Variants in GPATCH1 observed in about 807,000 individuals in gnomAD.
The protein encoded by GPATCH1 is G patch domain-containing protein 1.
GPATCH1 carries 73 observed loss-of-function variants against 114.9 expected under a neutral mutation model. The ratio of observed to expected loss-of-function variants is 0.64; its 90% CI spans 0.53 to 0.77. The LOEUF (loss-of-function observed/expected upper bound fraction) is 0.77, where lower values mean the gene tolerates loss of function less well. Among genes scored for constraint, GPATCH1 ranks in the 30% least tolerant of loss-of-function variants. GPATCH1 has a pLI of 0.00. For missense variants in GPATCH1, 1,058 were observed against 1,144.3 expected, an observed-to-expected ratio of 0.92 and a Z score of 1.09; for synonymous variants, 391 against 428.4, an observed-to-expected ratio of 0.91 and a Z score of 1.08.
At chr19:33,117,474 T>C (rs797013595) in intron 15 of GPATCH1, among the ~76,000 whole-genome samples, 1 of 152,080 alleles carries the variant, frequency 6.6e-6, no homozygotes, top group East Asian at 1.9e-4. Flanking sequence ...TTTTGTACTT[T>C]TAGTAGAGAC....
In GPATCH1 at chr19:33,090,758, TTCTAAAC is replaced by T; in HGVS notation, c.209-18_209-12del. The T allele has an allele frequency of 6.5e-7, 1 of 1,529,434 alleles. No individual in the cohort carries two copies. The highest frequency in any genetic ancestry group is 1.1e-5 in the South Asian group (1 of 89,234). The allele number at this position is 1,529,434 out of a possible 1,614,324, so 94.7% of individuals were successfully genotyped here. A position where few individuals can be genotyped will look rare whatever the true frequency, so the allele number is the denominator to read the frequency against. ...CCAAATACTCTCTAGGATTGTAAAG[TTCTAAAC>T]TCTTTTTTTTTCAGGATGGACACCC... On this transcript the variant is annotated splice_polypyrimidine_tract_variant and intron_variant, in intron 2 of 19. Transcript: ENST00000170564.
In GPATCH1 at chr19:33,109,929, G is replaced by A. The variant is rs1972831717; in HGVS notation, c.1498G>A (p.Ala500Thr). ...ALGGGTATLK[A>T]SNFKPFAKDP... is the part of the protein sequence containing the mutation. Reference sequence around the variant, plus strand: ...AGGTGGTGGGACGGCCACCTTAAAAGCCAGCAACTTCAAGCCTTTCGCCAA... The same window carrying A: ...AGGTGGTGGGACGGCCACCTTAAAAACCAGCAACTTCAAGCCTTTCGCCAA... Residue 500 changes from alanine (A) to threonine (T), a missense_variant, in exon 11 of 20, where the codon GCC (alanine) becomes ACC (threonine). Ala to Thr is a moderately conservative substitution (Grantham distance 58, BLOSUM62 0). Around this residue, in one of 3 missense-constraint regions of GPATCH1, gnomAD observed 893 missense variants for 977.4 expected, o/e 0.91. Transcript: ENST00000170564. 1.9e-6 allele frequency: 3 copies of A among 1,614,190 alleles called. No individual in the cohort carries two copies. The highest frequency in any genetic ancestry group is 2.5e-6 in the Non-Finnish European group (3 of 1,180,028).
At chr19:33,094,300 C>A in intron 5 of GPATCH1, 31 bp downstream of exon 5, 3 of 1,126,514 alleles carry the variant, frequency 2.7e-6, no homozygotes, top group African/African-American at 1.6e-5. Flanking sequence ...ACTGTTATCA[C>A]TGCTGCAGCG....
At chr19:33,105,033 C>T (rs752203725) in intron 9 of GPATCH1, among the ~76,000 whole-genome samples, 3 of 152,138 alleles carry the variant, frequency 2.0e-5, no homozygotes, top group Non-Finnish European at 2.9e-5. Context: ...ATTTCACTTC[C>T]GTCAACTTTT....
intron 17 of GPATCH1, among the ~76,000 whole-genome samples, chr19:33,122,201 T>A (rs1388381472): frequency 6.6e-6 from 1 of 151,930 alleles, no homozygotes; most frequent in South Asian, 2.1e-4. Context: ...AGAGACGGGG[T>A]TTTACCATGT....
At chr19:33,117,266 A>G (rs1317363192) in intron 15 of GPATCH1, among the ~76,000 whole-genome samples, 2 of 151,934 alleles carry the variant, frequency 1.3e-5, no homozygotes. Flanking sequence ...TGCTTTCAAG[A>G]TTTTTACTTG....
chr19:33,089,825 G>A (rs1972575025), intron 2 of GPATCH1, among the ~76,000 whole-genome samples: 1 of 152,058 alleles, frequency 6.6e-6, no homozygotes, highest in South Asian at 2.1e-4. Flanking sequence ...TCACCATGTT[G>A]TTCAGGCTGG....
intron 17 of GPATCH1, among the ~76,000 whole-genome samples, chr19:33,120,927 T>G (rs959420029): frequency 4.0e-5 from 6 of 151,220 alleles, no homozygotes; most frequent in African/African-American, 1.5e-4. Flanking sequence ...GAGGCGGAGC[T>G]TGCAGTGAGC....
At chr19:33,087,265 T>TA (rs1972543312) in intron 1 of GPATCH1, among the ~76,000 whole-genome samples, 2 of 152,112 alleles carry the variant, frequency 1.3e-5, no homozygotes, top group African/African-American at 4.8e-5. Flanking sequence ...TTTTATTTTT[T>TA]AAAAAAATTT....
chr19:33,109,985 G>T lies in GPATCH1; in HGVS notation c.1554G>T (p.Glu518Asp). 1.2e-6 allele frequency: 2 copies of T among 1,613,370 alleles called. No homozygotes were observed. Among genetic ancestry groups the T allele is most frequent in the Non-Finnish European group, 1.7e-6 (2 of 1,179,658 alleles). ...KDPEKQKRYD[E>D]FLVHMKQGQK... ...CGGAAAAGCAAAAGCGATACGACGA[G>T]TTCTTAGTACACATGAAACAGGGTC... Residue 518 changes from glutamate to aspartate, a missense_variant, in exon 11 of 20, where the codon GAG (glutamate) becomes GAT (aspartate). Around this residue, in one of 3 missense-constraint regions of GPATCH1, gnomAD observed 893 missense variants for 977.4 expected, o/e 0.91. Transcript: ENST00000170564.
At chr19:33,108,451 C>T (rs890361586) in intron 10 of GPATCH1, among the ~76,000 whole-genome samples, 42 of 152,118 alleles carry the variant, frequency 2.8e-4, no homozygotes, top group African/African-American at 8.7e-4. Flanking sequence ...TGCCTAAGGG[C>T]CTTTGTGTTT....
chr19:33,124,456 T>C (rs1319176127), intron 17 of GPATCH1, among the ~76,000 whole-genome samples: 1 of 152,228 alleles, frequency 6.6e-6, no homozygotes, highest in African/African-American at 2.4e-5. Flanking sequence ...ATTACAGGCA[T>C]GAGCCACCGC....
chr19:33,126,769 T>C (rs748767238), intron 19 of GPATCH1, 36 bp downstream of exon 19: 2 of 1,524,288 alleles, frequency 1.3e-6, no homozygotes, highest in African/African-American at 2.8e-5. Context: ...TTCAGAAACC[T>C]TTAGAGGCTT....
Position 33,111,884 on chromosome 19 carries a change from A to T in GPATCH1, c.1746A>T (p.Glu582Asp). The T allele has an allele frequency of 6.2e-7, 1 of 1,613,942 alleles. No homozygotes were observed. The change falls in exon 12 of 20, where the codon GAA becomes GAT. Residue 582 changes from glutamate (E) to aspartate (D), a missense_variant. Physicochemically the swap from Glu to Asp is conservative, Grantham distance 45. Transcript: ENST00000170564. The stretch of plus-strand genomic sequence containing the variant: ...AGGAGGATGACTCAGATCAGGTTGA[A>T]GTCCCTCGAGACCAAGAGGTCTGTT... ...AKEEDDSDQV[E>D]VPRDQENDVG...
At chr19:33,126,518 C>T in intron 18 of GPATCH1, 70 bp from the exon 19 acceptor site, 2 of 1,592,674 alleles carry the variant, frequency 1.3e-6, no homozygotes, top group Non-Finnish European at 1.7e-6. Context: ...GCCTTGTTAA[C>T]CTTTCATTGT....
intron 2 of GPATCH1, 118 bp downstream of exon 2, chr19:33,088,386 C>G: frequency 2.6e-6 from 2 of 765,554 alleles, no homozygotes; most frequent in Admixed American, 5.8e-5. Context: ...GCTCTGTCGC[C>G]CAGGCTGGAG....
intron 17 of GPATCH1, among the ~76,000 whole-genome samples, chr19:33,121,879 T>G (rs965066127): frequency 6.6e-6 from 1 of 152,240 alleles, no homozygotes; most frequent in Non-Finnish European, 1.5e-5. Flanking sequence ...TAGTTTCTCA[T>G]GGTGCCCATA....
chr19:33,105,773 C>T (rs1422424820), intron 9 of GPATCH1, among the ~76,000 whole-genome samples: 2 of 151,940 alleles, frequency 1.3e-5, no homozygotes, highest in African/African-American at 4.8e-5. Flanking sequence ...ATCTGCCTAC[C>T]TTGTCCTCCC....
chr19:33,108,041 C>A (rs564474005), intron 10 of GPATCH1, among the ~76,000 whole-genome samples: 4 of 152,098 alleles, frequency 2.6e-5, no homozygotes, highest in African/African-American at 9.6e-5. Context: ...TCTTTTCGGT[C>A]CTCCCGCACC....
Sources: gnomAD v4.1 joint callset for allele counts (sites outside exome capture counted in the v4.1 genomes callset) on GRCh38, gnomAD v4.1.1 for gene constraint, gnomAD v4.1.1 regional missense constraint, MANE v1.5 for transcripts, NCBI Gene and HGNC (gene_info 2026-07-23, HGNC 2026-07-21) for gene names.